Variants in TCFL5 observed in about 807,000 individuals in gnomAD.
TCFL5 encodes the protein transcription factor-like 5 protein.
Under a neutral mutation model 44.3 loss-of-function variants are expected in TCFL5, and 9 were observed. That is an observed-to-expected ratio of 0.20 (90% CI 0.12 to 0.35). TCFL5 has a LOEUF of 0.35. TCFL5 is among the 10% of genes least tolerant of loss of function. The pLI is 1.00. For missense variants in TCFL5, 603 were observed against 613.4 expected (o/e 0.98, Z 0.18); for synonymous variants, 319 against 271.6 (o/e 1.17, Z -1.72).
At chr20:62,843,587 C>T (rs1471680995) in intron 5 of TCFL5, among the ~76,000 whole-genome samples, 1 of 152,158 alleles carries the variant, frequency 6.6e-6, no homozygotes, top group Non-Finnish European at 1.5e-5. Context: ...CAGGTTTATA[C>T]AGTTTTTATT....
chr20:62,858,912 T>C (rs2063940277), intron 3 of TCFL5, among the ~76,000 whole-genome samples: 1 of 151,958 alleles, frequency 6.6e-6, no homozygotes. Flanking sequence ...AGTGACTTTA[T>C]TTCCAAACTT....
At position 62,842,197 on chromosome 20, in the gene TCFL5, CT is replaced by C; in HGVS notation, c.1381-101del. The stretch of plus-strand genomic sequence containing the variant: ...TTCAAATTAAGAGCTAAGTAAATGA[CT>C]TTAGAATACGCTGTTTTAAGGTGTC... On this transcript the variant is annotated intron_variant, in intron 5 of 5. Coordinates refer to ENST00000335351, the MANE Select transcript of TCFL5 (RefSeq NM_006602.4). The surrounding 1 kb of genome is among the most constrained non-coding windows in gnomAD (Gnocchi z 4.3). 1 of 1,457,614 alleles carries C rather than the reference CT, an allele frequency of 6.9e-7. No homozygotes were observed. The highest frequency in any genetic ancestry group is 9.4e-7 in the Non-Finnish European group (1 of 1,068,498). The allele number at this position is 1,457,614 out of a possible 1,614,324, so 90.3% of individuals were successfully genotyped here.
intron 1 of TCFL5, 56 bp downstream of exon 1, chr20:62,860,968 G>A (rs1158885500): frequency 6.1e-6 from 6 of 986,234 alleles, no homozygotes; most frequent in Non-Finnish European, 6.0e-6. Flanking sequence ...CCCGGCCCCG[G>A]CCCCGGCCTC....
At position 62,860,115 on chromosome 20, in the gene TCFL5, T is replaced by C; in HGVS notation, c.831+10A>G. 6.3e-7 allele frequency: 1 copy of C among 1,595,660 alleles called. No homozygotes were observed. The highest frequency in any genetic ancestry group is 8.6e-7 in the Non-Finnish European group (1 of 1,165,994). ...CAAAAGAGCAAAGCTTCACAAATCA[T>C]GTTCCCTACCTGTGTCTGTGAAAGA... On this transcript the variant is annotated intron_variant, in intron 2 of 5. Transcript: ENST00000335351.
chr20:62,851,729 T>C (rs994863451), intron 5 of TCFL5: 5 of 985,316 alleles, frequency 5.1e-6, no homozygotes, highest in Non-Finnish European at 6.0e-6. Context: ...AGACAAACTA[T>C]TGCCTGGCGC....
Position 62,859,433 on chromosome 20 carries a change from C to G in TCFL5, c.925G>C (p.Glu309Gln), listed in dbSNP as rs757385776. 6.2e-7 allele frequency: 1 copy of G among 1,614,044 alleles called. No individual in the cohort carries two copies. ...AFSFCYQQEI[E>Q]STKQTLGSRN... Reference sequence around the variant, plus strand: ...CTACCTAACGTCTGTTTAGTGGATTCAATTTCTTGCTGATAACAGAAAGAA... The same window carrying G: ...CTACCTAACGTCTGTTTAGTGGATTGAATTTCTTGCTGATAACAGAAAGAA... The change falls in exon 3 of 6, where the codon GAA becomes CAA. Residue 309 changes from glutamate (E) to glutamine (Q), a missense_variant. Glu to Gln is a conservative substitution (Grantham distance 29). Transcript: ENST00000335351.
chr20:62,859,563 T>A, intron 2 of TCFL5, 37 bp from the exon 3 acceptor site: 1 of 1,588,926 alleles, frequency 6.3e-7, no homozygotes, highest in Non-Finnish European at 8.6e-7. Context: ...TTTATCAATA[T>A]GTGGCTTACT....
chr20:62,846,088 C>A, intron 5 of TCFL5: 1 of 1,319,214 alleles, frequency 7.6e-7, no homozygotes, highest in Non-Finnish European at 1.0e-6. Flanking sequence ...AAGTCCATAA[C>A]ATGACGTATC....
At position 62,842,215 on chromosome 20, in the gene TCFL5, T is replaced by G. The variant is rs1260424432; in HGVS notation, c.1381-118A>C. The G allele has an allele frequency of 2.3e-6, 3 of 1,299,434 alleles. No individual in the cohort carries two copies. The highest frequency in any genetic ancestry group is 2.5e-5 in the Admixed American group (1 of 40,628). 80.5% of individuals were successfully genotyped at this position (1,299,434 alleles called of 1,614,324 possible). A position where few individuals can be genotyped will look rare whatever the true frequency, so the allele number is the denominator to read the frequency against. ...TAAATGACTTTAGAATACGCTGTTT[T>G]AAGGTGTCATTCACAAACTTGTGTC... On this transcript the variant is annotated intron_variant, in intron 5 of 5. Coordinates refer to ENST00000335351, the MANE Select transcript of TCFL5 (RefSeq NM_006602.4). The surrounding 1 kb of genome is among the most constrained non-coding windows in gnomAD (Gnocchi z 4.3).
chr20:62,859,729 T>G (rs572500130), intron 2 of TCFL5, among the ~76,000 whole-genome samples: 15 of 150,858 alleles, frequency 9.9e-5, no homozygotes, highest in East Asian at 3.9e-4. Context: ...GTTTTTTTGT[T>G]TTTTTTTTTG....
rs773279169 is a variant in TCFL5, at chr20:62,841,996, G to A, written c.1482C>T (p.Ser494=). 1 of 1,614,174 alleles carries A rather than the reference G, an allele frequency of 6.2e-7. No homozygotes were observed. The highest frequency in any genetic ancestry group is 1.3e-5 in the African/African-American group (1 of 75,038). The change falls in exon 6 of 6, where the codon AGC becomes AGT. Residue 494 remains serine (S), a synonymous_variant. Coordinates refer to ENST00000335351, the MANE Select transcript of TCFL5 (RefSeq NM_006602.4). ...CCGATCACTTGATCTCCATCGAGGG[G>A]CTGCTCTGTAAACTCCCCTGTGCAG... ...TCPAQGSLQS[S]PSMEIK
intron 2 of TCFL5, among the ~76,000 whole-genome samples, chr20:62,859,797 C>T (rs59593328): frequency 0.022 from 3,382 of 151,076 alleles, 131 homozygotes; most frequent in African/African-American, 0.077. Context: ...GTCAGCCCAC[C>T]ACAACCTCCA....
chr20:62,860,441 A>G, intron 1 of TCFL5, 133 bp from the exon 2 acceptor site: 2 of 760,392 alleles, frequency 2.6e-6, no homozygotes, highest in South Asian at 3.8e-5. Flanking sequence ...TCTACACAAC[A>G]ATTAGCAACT....
In TCFL5 at chr20:62,841,112, G is replaced by A; in HGVS notation, c.*863C>T. ...ACCTTCAGATTAATGACTGGCTACA[G>A]AGTAACAAAAAATAAAGAATTTAAT... is the stretch of plus-strand genomic sequence containing the variant. On this transcript the variant is annotated 3_prime_UTR_variant, in exon 6 of 6. Coordinates refer to ENST00000335351, the MANE Select transcript of TCFL5 (RefSeq NM_006602.4). The A allele has an allele frequency of 4.4e-6, 1 of 224,852 alleles. No homozygotes were observed. Among genetic ancestry groups the A allele is most frequent in the Non-Finnish European group, 9.0e-6 (1 of 111,402 alleles). The allele number at this position is 224,852 out of a possible 1,614,324, so 13.9% of individuals were successfully genotyped here. A position where few individuals can be genotyped will look rare whatever the true frequency, so the allele number is the denominator to read the frequency against.
chr20:62,857,772 A>G, intron 3 of TCFL5, 134 bp from the exon 4 acceptor site: 1 of 1,086,136 alleles, frequency 9.2e-7, no homozygotes, highest in Non-Finnish European at 1.3e-6. Context: ...AAACACAAAG[A>G]GATGTACTAA....
At position 62,861,317 on chromosome 20, in the gene TCFL5, C is replaced by T; in HGVS notation, c.354G>A (p.Ala118=). ...VLCPSALAAD[A]PCLGHIDFQE... is the part of the protein sequence containing the mutation. Reference sequence around the variant, plus strand: ...GGAAGTCGATGTGGCCCAGGCAGGGCGCGTCGGCCGCCAGCGCGGACGGGC... The same window carrying T: ...GGAAGTCGATGTGGCCCAGGCAGGGTGCGTCGGCCGCCAGCGCGGACGGGC... Residue 118 remains alanine, a synonymous_variant, in exon 1 of 6, where the codon GCG becomes GCA. Transcript: ENST00000335351. This position sits in a 1 kb window ranked among gnomAD's most constrained non-coding sequence, Gnocchi z 4.0. The T allele has an allele frequency of 8.7e-7, 1 of 1,154,700 alleles. No homozygotes were observed. The highest frequency in any genetic ancestry group is 1.6e-5 in the African/African-American group (1 of 60,790). The allele number at this position is 1,154,700 out of a possible 1,614,324, so 71.5% of individuals were successfully genotyped here.
At chr20:62,857,191 G>C (rs148661777) in intron 4 of TCFL5, among the ~76,000 whole-genome samples, 4 of 152,142 alleles carry the variant, frequency 2.6e-5, no homozygotes, top group Non-Finnish European at 4.4e-5. Context: ...GACTGCATGC[G>C]GAGTCCCGGG....
At chr20:62,846,117 C>A (rs1353020057) in intron 5 of TCFL5, 1 of 1,296,410 alleles carries the variant, frequency 7.7e-7, no homozygotes, top group Admixed American at 2.3e-5. Flanking sequence ...GTGCTTAGAA[C>A]CTTAAATTGG....
chr20:62,860,320 A>G lies in TCFL5; in HGVS notation c.648-12T>C, dbSNP rs2063974604. ...TGAGAGTTACCAAACTGCCAAGACA[A>G]AAGAAAGCCCAGAAGTGTCAGCAAT... On this transcript the variant is annotated splice_polypyrimidine_tract_variant and intron_variant, in intron 1 of 5. Coordinates refer to ENST00000335351, the MANE Select transcript of TCFL5 (RefSeq NM_006602.4). The G allele has an allele frequency of 1.9e-6, 3 of 1,600,408 alleles. No individual in the cohort carries two copies. The highest frequency in any genetic ancestry group is 1.3e-5 in the African/African-American group (1 of 74,720).
Sources: gnomAD v4.1 joint callset for allele counts (sites outside exome capture counted in the v4.1 genomes callset) on GRCh38, gnomAD v4.1.1 for gene constraint, Gnocchi (gnomAD v3.1) non-coding constraint, MANE v1.5 for transcripts, NCBI Gene and HGNC (gene_info 2026-07-23, HGNC 2026-07-21) for gene names.